Variants in DACH1 observed in about 807,000 individuals in gnomAD.
DACH1 encodes the protein dachshund homolog 1.
Under a neutral mutation model 54.2 loss-of-function variants are expected in DACH1, and 12 were observed. The observed-to-expected ratio is 0.22, with a 90% CI of 0.14 to 0.36. The LOEUF is 0.36. Ranked by LOEUF, DACH1 falls within the 10% of genes least tolerant of loss-of-function variation. The pLI is 1.00. For synonymous variants in DACH1, 386 were observed against 366.2 expected (o/e 1.05, Z -0.62); for missense variants, 805 against 929.8 (o/e 0.87, Z 1.75).
chr13:71,488,588 A>G (rs1456299456), intron 7 of DACH1, among the ~76,000 whole-genome samples: 1 of 152,036 alleles, frequency 6.6e-6, no homozygotes, highest in Non-Finnish European at 1.5e-5. Flanking sequence ...ATGACTAAAC[A>G]TATCATTTCC....
chr13:71,508,986 A>G (rs1880546130), intron 6 of DACH1, among the ~76,000 whole-genome samples: 1 of 152,102 alleles, frequency 6.6e-6, no homozygotes, highest in Non-Finnish European at 1.5e-5. Context: ...TACACTCACC[A>G]AATTATCCCT....
intron 3 of DACH1, chr13:71,573,375 T>TA (rs576259208): frequency 6.2e-5 from 44 of 710,064 alleles, no homozygotes; most frequent in East Asian, 1.1e-4. Flanking sequence ...AAATACAATT[T>TA]AAAAAAAACT....
At chr13:71,793,106 A>G (rs1296484186) in intron 1 of DACH1, among the ~76,000 whole-genome samples, 1 of 152,230 alleles carries the variant, frequency 6.6e-6, no homozygotes, top group Admixed American at 6.5e-5. Flanking sequence ...AACTGAAATA[A>G]TGACAATCAT....
chr13:71,590,380 G>T (rs1369671890), intron 3 of DACH1, among the ~76,000 whole-genome samples: 1 of 152,124 alleles, frequency 6.6e-6, no homozygotes, highest in Non-Finnish European at 1.5e-5. Flanking sequence ...CTTTGACAAG[G>T]TAGATGGGAA....
chr13:71,776,870 T>G (rs1886087632), intron 1 of DACH1, among the ~76,000 whole-genome samples: 1 of 152,144 alleles, frequency 6.6e-6, no homozygotes, highest in Non-Finnish European at 1.5e-5. Flanking sequence ...GCAAGTGACT[T>G]CTCATCTGAC....
At chr13:71,572,730 T>C in intron 4 of DACH1, 110 bp downstream of exon 4, 1 of 1,186,934 alleles carries the variant, frequency 8.4e-7, no homozygotes. Flanking sequence ...GTCTATTTAC[T>C]ATCACTTAGC....
intron 3 of DACH1, among the ~76,000 whole-genome samples, chr13:71,583,309 T>C (rs920366921): frequency 2.6e-5 from 4 of 152,132 alleles, no homozygotes; most frequent in Non-Finnish European, 5.9e-5. Flanking sequence ...CATTTTTGTT[T>C]CTTTTTTGCA....
At chr13:71,519,908 TCCTAACTAACATAGCAC>T (rs1881463384) in intron 6 of DACH1, among the ~76,000 whole-genome samples, 11 of 135,658 alleles carry the variant, frequency 8.1e-5, no homozygotes, top group East Asian at 2.3e-4. Context: ...TATATATATA[TCCTAACTAACATAGCAC>T]ATATATTGTG....
intron 1 of DACH1, among the ~76,000 whole-genome samples, chr13:71,826,995 G>T (rs1047748171): frequency 2.0e-5 from 3 of 152,118 alleles, no homozygotes; most frequent in Non-Finnish European, 4.4e-5. Context: ...CCACTAGGAT[G>T]AGGATTAAGA....
chr13:71,475,868 ATAT>A lies in DACH1; in HGVS notation c.1871-22_1871-20del, dbSNP rs751655595. The A allele has an allele frequency of 2.6e-5, 39 of 1,487,078 alleles. No individual in the cohort carries two copies. Among genetic ancestry groups the A allele is most frequent in the Middle Eastern group, 1.8e-4 (1 of 5,450 alleles). 92.1% of individuals were successfully genotyped at this position (1,487,078 alleles called of 1,614,324 possible). ...ACTATGGCTAAAAAAGAGTGTATGCATATTATTATTATTATTTTTAAATTTTCA... is the reference window on the plus strand; with the variant it reads ...ACTATGGCTAAAAAAGAGTGTATGCATATTATTATTATTTTTAAATTTTCA... On this transcript the variant is annotated intron_variant, in intron 8 of 10. Transcript: ENST00000613252.
chr13:71,849,398 C>T (rs975220358), intron 1 of DACH1, among the ~76,000 whole-genome samples: 4 of 152,136 alleles, frequency 2.6e-5, no homozygotes, highest in Non-Finnish European at 5.9e-5. Context: ...AGAGACCTGC[C>T]GTTACACAAG....
At chr13:71,656,755 G>A (rs893232647) in intron 2 of DACH1, among the ~76,000 whole-genome samples, 1 of 149,874 alleles carries the variant, frequency 6.7e-6, no homozygotes, top group Non-Finnish European at 1.5e-5. Flanking sequence ...TGTACCATGG[G>A]AAAGAAGATG....
Position 71,630,618 on chromosome 13 carries a change from T to C in DACH1, c.1064A>G (p.Tyr355Cys). Residue 355 changes from tyrosine to cysteine, a missense_variant, in exon 3 of 11, where the codon TAT (tyrosine) becomes TGT (cysteine). Physicochemically the swap from Tyr to Cys is radical, Grantham distance 194 (BLOSUM62 -2). This residue lies in a region of DACH1 where 472 missense variants were observed against 545.3 expected (regional missense o/e 0.87). Coordinates refer to ENST00000613252, the MANE Select transcript of DACH1 (RefSeq NM_080759.6). ...KKIKLEAMSNYHASNNQHGAD... is the reference protein window; with the variant it reads ...KKIKLEAMSNCHASNNQHGAD... ...TCCATGTTGGTTATTACTGGCATGA[T>C]AGTTGCTCATGGCTTCTAATTTGAT... 1.2e-6 allele frequency: 2 copies of C among 1,612,044 alleles called. No homozygotes were observed. The highest frequency in any genetic ancestry group is 1.7e-6 in the Non-Finnish European group (2 of 1,179,348).
intron 1 of DACH1, among the ~76,000 whole-genome samples, chr13:71,779,192 TATA>T (rs1244615102): frequency 1.6e-5 from 2 of 124,470 alleles, no homozygotes; most frequent in African/African-American, 7.1e-5. Context: ...TATATACGTA[TATA>T]CGTATATATG....
At chr13:71,763,622 T>C (rs1325339) in intron 1 of DACH1, among the ~76,000 whole-genome samples, 76,984 of 151,732 alleles carry the variant, frequency 0.51, 20,820 homozygotes, top group East Asian at 0.87. Flanking sequence ...CTCAGCCTCC[T>C]AAGTAGCTAA....
chr13:71,770,296 T>C (rs1885800337), intron 1 of DACH1, among the ~76,000 whole-genome samples: 1 of 151,630 alleles, frequency 6.6e-6, no homozygotes, highest in Non-Finnish European at 1.5e-5. Context: ...CACCGAACAG[T>C]CTAAAGTATC....
intron 1 of DACH1, among the ~76,000 whole-genome samples, chr13:71,788,120 G>A (rs940252461): frequency 6.6e-6 from 1 of 152,066 alleles, no homozygotes; most frequent in Non-Finnish European, 1.5e-5. Context: ...GAGATATTAG[G>A]CCACTAGAAA....
chr13:71,601,368 G>A (rs996633871), intron 3 of DACH1, among the ~76,000 whole-genome samples: 2 of 151,800 alleles, frequency 1.3e-5, no homozygotes, highest in African/African-American at 4.8e-5. Context: ...TTCTTCAACA[G>A]GAAAACATGT....
chr13:71,675,049 G>C, intron 2 of DACH1: 1 of 1,099,506 alleles, frequency 9.1e-7, no homozygotes, highest in East Asian at 2.4e-5. Flanking sequence ...GGGTAAGTAA[G>C]GAGGTCTCTG....
Sources: gnomAD v4.1 joint callset for allele counts (sites outside exome capture counted in the v4.1 genomes callset) on GRCh38, gnomAD v4.1.1 for gene constraint, gnomAD v4.1.1 regional missense constraint, MANE v1.5 for transcripts, NCBI Gene and HGNC (gene_info 2026-07-23, HGNC 2026-07-21) for gene names.